The following KCNMB2 variants were observed in gnomAD, a reference collection of about 807,000 sequenced individuals.
KCNMB2 encodes calcium-activated potassium channel subunit beta-2.
KCNMB2 carries 9 observed loss-of-function variants against 24.5 expected under a neutral mutation model. The ratio of observed to expected loss-of-function variants is 0.37; its 90% CI spans 0.22 to 0.64. The LOEUF (loss-of-function observed/expected upper bound fraction) is 0.64. Ranked by LOEUF, KCNMB2 falls within the 30% of genes least tolerant of loss-of-function variation. The probability of loss-of-function intolerance (pLI) is 0.63; values close to 1 mark genes in which losing one functional copy is unlikely to be tolerated. For missense variants in KCNMB2, 226 were observed against 284.3 expected (o/e 0.79, Z 1.47); for synonymous variants, 109 against 104.4 (o/e 1.04, Z -0.27).
chr3:178,737,867 G>A (rs1002504609), intron 1 of KCNMB2, among the ~76,000 whole-genome samples: 6 of 152,148 alleles, frequency 3.9e-5, no homozygotes, highest in African/African-American at 7.2e-5. Flanking sequence ...TTTTTCCAAC[G>A]TAACCCAAGA....
In KCNMB2 at chr3:178,768,131, A is replaced by G. The variant is rs1270720649; in HGVS notation, c.-67-39212A>G. Among the ~76,000 whole-genome samples the G allele has an allele frequency of 3.9e-5, 6 of 152,270 alleles. No individual in the cohort carries two copies. In the East Asian group the frequency reaches 9.7e-4, roughly 25 times the overall value. On this transcript the variant is annotated intron_variant, in intron 1 of 4. Coordinates refer to ENST00000452583, the MANE Select transcript of KCNMB2 (RefSeq NM_181361.3). Reference sequence around the variant, plus strand: ...CAATTTATTCAAAGATTATTTTAGCAAATATTTTCTAGGTACTTGCTGTGC... The same window carrying G: ...CAATTTATTCAAAGATTATTTTAGCGAATATTTTCTAGGTACTTGCTGTGC...
intron 1 of KCNMB2, among the ~76,000 whole-genome samples, chr3:178,661,191 T>C (rs1258727209): frequency 1.4e-5 from 2 of 146,126 alleles, no homozygotes; most frequent in African/African-American, 5.0e-5. Flanking sequence ...CCTGTGTCCA[T>C]GTGTTCTCAT....
At position 178,541,478 on chromosome 3, in the gene KCNMB2, G is replaced by A. The variant is rs192182458; in HGVS notation, c.-68+4767G>A. Reference sequence around the variant, plus strand: ...TAATCAGTTAATACAATCAATAATCGTACTATTCATTTACACTTTCAAAAT... The same window carrying A: ...TAATCAGTTAATACAATCAATAATCATACTATTCATTTACACTTTCAAAAT... On this transcript the variant is annotated intron_variant, in intron 1 of 4. Coordinates refer to ENST00000452583, the MANE Select transcript of KCNMB2 (RefSeq NM_181361.3). 2.9e-3 allele frequency among the ~76,000 whole-genome samples: 438 copies of A among 152,118 alleles called. 4 individuals carry two copies. Among genetic ancestry groups the A allele is most frequent in the South Asian group, 0.015 (71 of 4,804 alleles).
intron 1 of KCNMB2, among the ~76,000 whole-genome samples, chr3:178,733,447 A>G (rs1723216827): frequency 6.6e-6 from 1 of 152,050 alleles, no homozygotes; most frequent in South Asian, 2.1e-4. Context: ...TGAGAAGAGG[A>G]GGGATATAAT....
At chr3:178,581,616 C>T (rs1429576294) in intron 1 of KCNMB2, among the ~76,000 whole-genome samples, 1 of 152,188 alleles carries the variant, frequency 6.6e-6, no homozygotes, top group African/African-American at 2.4e-5. Flanking sequence ...ACAATCTATA[C>T]ATCTGACAAA....
chr3:178,839,693 G>T (rs879694517), intron 4 of KCNMB2, among the ~76,000 whole-genome samples: 7 of 152,130 alleles, frequency 4.6e-5, no homozygotes, highest in Non-Finnish European at 8.8e-5. Flanking sequence ...CCAGGGGGCT[G>T]CCAGACACTT....
chr3:178,655,434 A>G (rs1253257331), intron 1 of KCNMB2, among the ~76,000 whole-genome samples: 1 of 152,170 alleles, frequency 6.6e-6, no homozygotes, highest in African/African-American at 2.4e-5. Context: ...AATTGGAAAT[A>G]AAACATCACA....
At chr3:178,777,025 T>C (rs890183472) in intron 1 of KCNMB2, among the ~76,000 whole-genome samples, 1 of 152,200 alleles carries the variant, frequency 6.6e-6, no homozygotes, top group African/African-American at 2.4e-5. Context: ...GTAATGCCCA[T>C]AATACTTTAA....
chr3:178,693,726 G>T (rs991911217), intron 1 of KCNMB2, among the ~76,000 whole-genome samples: 1 of 152,008 alleles, frequency 6.6e-6, no homozygotes, highest in African/African-American at 2.4e-5. Context: ...GTATCTCTGG[G>T]AGGATTTGGT....
intron 1 of KCNMB2, among the ~76,000 whole-genome samples, chr3:178,561,855 C>T (rs1716328429): frequency 6.6e-6 from 1 of 152,170 alleles, no homozygotes; most frequent in Admixed American, 6.5e-5. Flanking sequence ...GGACACCAAA[C>T]CAGCCAAGAC....
chr3:178,570,929 T>G (rs981377042), intron 1 of KCNMB2, among the ~76,000 whole-genome samples: 1 of 152,168 alleles, frequency 6.6e-6, no homozygotes, highest in African/African-American at 2.4e-5. Flanking sequence ...TGCTTTGAAA[T>G]AGCTATTATA....
intron 1 of KCNMB2, among the ~76,000 whole-genome samples, chr3:178,681,035 T>C (rs775216823): frequency 9.9e-5 from 15 of 152,182 alleles, no homozygotes; most frequent in Non-Finnish European, 1.9e-4. Context: ...ACAAGACAAC[T>C]CCTGTCACCA....
At chr3:178,608,706 C>T (rs1023496705) in intron 1 of KCNMB2, among the ~76,000 whole-genome samples, 1 of 152,172 alleles carries the variant, frequency 6.6e-6, no homozygotes, top group Non-Finnish European at 1.5e-5. Flanking sequence ...CACTCTTCTA[C>T]TCTCTGGGTC....
At chr3:178,539,910 T>C (rs1161168715) in intron 1 of KCNMB2, among the ~76,000 whole-genome samples, 3 of 152,140 alleles carry the variant, frequency 2.0e-5, no homozygotes, top group Non-Finnish European at 4.4e-5. Context: ...ACTTAAGCCC[T>C]AAATGAGTTC....
chr3:178,570,379 G>A (rs1360836193), intron 1 of KCNMB2, among the ~76,000 whole-genome samples: 1 of 152,022 alleles, frequency 6.6e-6, no homozygotes, highest in Admixed American at 6.6e-5. Context: ...AAATTAGGAG[G>A]TCATTAGACA....
At chr3:178,677,048 C>T (rs1231325771) in intron 1 of KCNMB2, among the ~76,000 whole-genome samples, 2 of 152,132 alleles carry the variant, frequency 1.3e-5, no homozygotes, top group Admixed American at 1.3e-4. Flanking sequence ...GCTCGCCTCA[C>T]CACAGCGAAA....
intron 1 of KCNMB2, among the ~76,000 whole-genome samples, chr3:178,589,530 A>G (rs959080163): frequency 1.3e-5 from 2 of 152,050 alleles, no homozygotes; most frequent in African/African-American, 4.8e-5. Flanking sequence ...CCAAGCTATA[A>G]TGCAGTAGTG....
chr3:178,681,557 G>T (rs1370463078), intron 1 of KCNMB2, among the ~76,000 whole-genome samples: 2 of 152,184 alleles, frequency 1.3e-5, no homozygotes, highest in Admixed American at 1.3e-4. Context: ...AACCATGAAA[G>T]GTGGGCAAGA....
chr3:178,604,938 A>G (rs567996478), intron 1 of KCNMB2, among the ~76,000 whole-genome samples: 4 of 152,314 alleles, frequency 2.6e-5, no homozygotes, highest in East Asian at 3.9e-4. Flanking sequence ...CTGTGATATA[A>G]TAGCTTATGA....
Sources: allele counts gnomAD v4.1 joint callset (sites outside exome capture counted in the v4.1 genomes callset), GRCh38; gene constraint gnomAD v4.1.1; transcripts MANE v1.5; gene names NCBI Gene and HGNC (gene_info 2026-07-23, HGNC 2026-07-21).